Variants in KCNT2 observed in about 807,000 individuals in gnomAD.
KCNT2 encodes the protein potassium channel subfamily T member 2.
A neutral mutation model predicts 153.8 loss-of-function variants in KCNT2; 67 were observed. The observed-to-expected ratio is 0.44, with a 90% CI of 0.36 to 0.53. The LOEUF is 0.53. Ranked by LOEUF, KCNT2 falls within the 20% of genes least tolerant of loss-of-function variation. The pLI is 0.00. For missense variants in KCNT2, 975 were observed against 1,354.8 expected, an observed-to-expected ratio of 0.72 and a Z score of 4.40; for synonymous variants, 500 against 458.8, an observed-to-expected ratio of 1.09 and a Z score of -1.15.
In KCNT2 at chr1:196,226,285, C is replaced by T. The variant is rs1367360255; in HGVS notation, c.*1939G>A. On this transcript the variant is annotated 3_prime_UTR_variant, in exon 28 of 28. Coordinates refer to ENST00000294725, the MANE Select transcript of KCNT2 (RefSeq NM_198503.5). ...AAAGTCAACTTAAAGAAACATCATA[C>T]TTGACTCTTGATATGCAAATATAAA... is the stretch of plus-strand genomic sequence containing the variant. 6.6e-6 allele frequency: 1 copy of T among 151,922 alleles called. No homozygotes were observed. The highest frequency in any genetic ancestry group is 1.5e-5 in the Non-Finnish European group (1 of 67,890). The allele number at this position is 151,922 out of a possible 1,614,324, so 9.4% of individuals were successfully genotyped here.
intron 8 of KCNT2, among the ~76,000 whole-genome samples, chr1:196,434,414 C>G (rs1450236958): frequency 6.6e-6 from 1 of 151,930 alleles, no homozygotes; most frequent in African/African-American, 2.4e-5. Flanking sequence ...TATATATTTT[C>G]TAGACCTAAA....
intron 13 of KCNT2, among the ~76,000 whole-genome samples, chr1:196,393,500 C>T (rs373232766): frequency 6.6e-6 from 1 of 151,466 alleles, no homozygotes; most frequent in Non-Finnish European, 1.5e-5. Context: ...AACTGGAGAG[C>T]GCAGTTTATT....
chr1:196,510,677 G>A (rs922385817), intron 1 of KCNT2, among the ~76,000 whole-genome samples: 15 of 152,072 alleles, frequency 9.9e-5, no homozygotes, highest in Non-Finnish European at 1.5e-4. Flanking sequence ...GGGTGTGATC[G>A]ACATGGAAAT....
chr1:196,288,816 C>T (rs941655388), intron 22 of KCNT2, among the ~76,000 whole-genome samples: 1 of 151,984 alleles, frequency 6.6e-6, no homozygotes, highest in East Asian at 1.9e-4. Flanking sequence ...GGTTTTGATG[C>T]CAGTGGACAG....
chr1:196,542,606 A>G (rs952876180), intron 1 of KCNT2, among the ~76,000 whole-genome samples: 18 of 152,094 alleles, frequency 1.2e-4, no homozygotes, highest in African/African-American at 4.1e-4. Context: ...AGGAGCACAT[A>G]ACTCACTGGA....
intron 19 of KCNT2, among the ~76,000 whole-genome samples, chr1:196,322,650 T>A (rs902348542): frequency 6.6e-6 from 1 of 151,886 alleles, no homozygotes; most frequent in African/African-American, 2.4e-5. Context: ...AAAAAAGGTT[T>A]GCAAATTTGT....
chr1:196,473,839 A>C (rs1678299379), intron 5 of KCNT2, among the ~76,000 whole-genome samples: 2 of 152,216 alleles, frequency 1.3e-5, no homozygotes, highest in South Asian at 4.1e-4. Context: ...GTATGCTTTC[A>C]TACAATGTCA....
At chr1:196,548,380 T>C (rs1011560725) in intron 1 of KCNT2, among the ~76,000 whole-genome samples, 5 of 152,168 alleles carry the variant, frequency 3.3e-5, no homozygotes, top group South Asian at 2.1e-4. Context: ...AAGAAGACTT[T>C]TATGCAGCCA....
chr1:196,303,313 T>A (rs1179703482), intron 22 of KCNT2, among the ~76,000 whole-genome samples: 1 of 152,216 alleles, frequency 6.6e-6, no homozygotes, highest in African/African-American at 2.4e-5. Context: ...TGGTATTAAA[T>A]TGTGCCTTCT....
intron 12 of KCNT2, among the ~76,000 whole-genome samples, chr1:196,410,303 C>T (rs1360711319): frequency 6.6e-6 from 1 of 150,454 alleles, no homozygotes; most frequent in Non-Finnish European, 1.5e-5. Context: ...TTGTCCTTTG[C>T]TATGCATAAG....
intron 1 of KCNT2, among the ~76,000 whole-genome samples, chr1:196,546,246 T>C (rs1242387911): frequency 6.6e-6 from 1 of 152,150 alleles, no homozygotes; most frequent in African/African-American, 2.4e-5. Flanking sequence ...TTCTTGATGA[T>C]GTACTTTGAA....
At chr1:196,237,320 T>C (rs554360707) in intron 26 of KCNT2, among the ~76,000 whole-genome samples, 88 of 151,878 alleles carry the variant, frequency 5.8e-4, no homozygotes, top group Admixed American at 2.6e-3. Context: ...ATGTGCCCCA[T>C]TTTTAAAGTG....
At chr1:196,485,587 T>C (rs1428356280) in intron 3 of KCNT2, among the ~76,000 whole-genome samples, 1 of 151,872 alleles carries the variant, frequency 6.6e-6, no homozygotes, top group Non-Finnish European at 1.5e-5. Context: ...AAAAAAGACA[T>C]ACTTATTTCC....
intron 8 of KCNT2, among the ~76,000 whole-genome samples, chr1:196,437,270 TTA>T (rs977341011): frequency 3.7e-5 from 3 of 81,654 alleles, no homozygotes; most frequent in Non-Finnish European, 8.8e-5. Context: ...TAAATATTTA[TTA>T]TATATATAAA....
intron 1 of KCNT2, among the ~76,000 whole-genome samples, chr1:196,565,607 A>G (rs1572847514): frequency 6.7e-6 from 1 of 149,366 alleles, no homozygotes; most frequent in Non-Finnish European, 1.5e-5. Context: ...ATATATATAT[A>G]TATGTATATA....
At chr1:196,593,292 T>TA (rs1383866240) in intron 1 of KCNT2, among the ~76,000 whole-genome samples, 4 of 102,530 alleles carry the variant, frequency 3.9e-5, no homozygotes, top group Non-Finnish European at 7.4e-5. Flanking sequence ...CCATCATATA[T>TA]ATAATATATA....
chr1:196,449,368 G>T (rs1675957797), intron 8 of KCNT2, among the ~76,000 whole-genome samples: 1 of 151,626 alleles, frequency 6.6e-6, no homozygotes, highest in African/African-American at 2.4e-5. Flanking sequence ...TATAATAAAT[G>T]TAATTCAATG....
At chr1:196,418,447 G>A (rs2148506196) in intron 12 of KCNT2, among the ~76,000 whole-genome samples, 3 of 152,084 alleles carry the variant, frequency 2.0e-5, no homozygotes, top group African/African-American at 7.2e-5. Context: ...GCCGGGGCAA[G>A]AAAAGCAAAA....
chr1:196,532,820 A>G (rs1415371683), intron 1 of KCNT2, among the ~76,000 whole-genome samples: 1 of 152,030 alleles, frequency 6.6e-6, no homozygotes, highest in African/African-American at 2.4e-5. Flanking sequence ...ATCTCTTTTT[A>G]TAAACCAAGG....
Sources: allele counts gnomAD v4.1 joint callset (sites outside exome capture counted in the v4.1 genomes callset), GRCh38; gene constraint gnomAD v4.1.1; transcripts MANE v1.5; gene names NCBI Gene and HGNC (gene_info 2026-07-23, HGNC 2026-07-21).